The following HTR1F variants were observed in gnomAD, a reference collection of about 807,000 sequenced individuals.
The protein encoded by HTR1F is 5-hydroxytryptamine receptor 1F, also known as 5-hydroxytryptamine (serotonin) receptor 1F, G protein-coupled.
HTR1F carries 17 observed loss-of-function variants against 24.0 expected under a neutral mutation model. That is an observed-to-expected ratio of 0.71 (90% CI 0.48 to 1.06). The LOEUF (loss-of-function observed/expected upper bound fraction) is 1.06, where lower values mean the gene tolerates loss of function less well. Among genes scored for constraint, HTR1F ranks in the 50% least tolerant of loss-of-function variants. The pLI is 0.00. For missense variants in HTR1F, 391 were observed against 427.8 expected, an observed-to-expected ratio of 0.91 and a Z score of 0.76; for synonymous variants, 186 against 156.8, an observed-to-expected ratio of 1.19 and a Z score of -1.39.
intron 2 of HTR1F, among the ~76,000 whole-genome samples, chr3:87,881,816 T>C (rs1296990512): frequency 1.3e-5 from 2 of 152,118 alleles, no homozygotes; most frequent in Non-Finnish European, 2.9e-5. Flanking sequence ...ACTTCATGTC[T>C]AAACACCAAA....
chr3:87,822,958 T>A (rs192274085), intron 2 of HTR1F, among the ~76,000 whole-genome samples: 149 of 152,296 alleles, frequency 9.8e-4, no homozygotes, highest in African/African-American at 3.4e-3. Context: ...CAATAATATT[T>A]ACCTTCCCAA....
intron 2 of HTR1F, among the ~76,000 whole-genome samples, chr3:87,916,552 T>C (rs28841871): frequency 0.44 from 66,094 of 151,752 alleles, 15,392 homozygotes; most frequent in African/African-American, 0.61. Flanking sequence ...TTCATGGACA[T>C]GAAAAGCAAG....
intron 1 of HTR1F, among the ~76,000 whole-genome samples, chr3:87,816,589 A>G (rs912989685): frequency 4.3e-4 from 66 of 152,142 alleles, no homozygotes; most frequent in African/African-American, 1.4e-3. Flanking sequence ...ATCTACCTAG[A>G]GTGTCTGCAG....
intron 2 of HTR1F, among the ~76,000 whole-genome samples, chr3:87,980,149 G>A (rs1398790630): frequency 6.6e-6 from 1 of 152,228 alleles, no homozygotes; most frequent in African/African-American, 2.4e-5. Flanking sequence ...TCAAGGAAGA[G>A]TGAGGTACAT....
intron 2 of HTR1F, among the ~76,000 whole-genome samples, chr3:87,842,402 T>C (rs1176188829): frequency 2.0e-5 from 3 of 151,816 alleles, no homozygotes; most frequent in Admixed American, 2.0e-4. Flanking sequence ...GACCTAGTGA[T>C]CCACCCACCT....
chr3:87,865,743 T>C (rs752425237), intron 2 of HTR1F, among the ~76,000 whole-genome samples: 12 of 152,210 alleles, frequency 7.9e-5, no homozygotes, highest in Non-Finnish European at 1.8e-4. Flanking sequence ...AATTTATTTA[T>C]CTGTTCTACT....
intron 2 of HTR1F, among the ~76,000 whole-genome samples, chr3:87,833,863 C>T (rs1302171691): frequency 6.6e-6 from 1 of 151,982 alleles, no homozygotes; most frequent in Admixed American, 6.6e-5. Context: ...GAGACTTGCA[C>T]GAAGATTCTT....
intron 2 of HTR1F, among the ~76,000 whole-genome samples, chr3:87,971,237 A>C (rs1705279079): frequency 6.6e-6 from 1 of 152,160 alleles, no homozygotes; most frequent in South Asian, 2.1e-4. Context: ...GTATTCAATA[A>C]ATTTGATTGG....
intron 2 of HTR1F, among the ~76,000 whole-genome samples, chr3:87,983,253 G>A (rs992910148): frequency 2.0e-5 from 3 of 152,152 alleles, no homozygotes; most frequent in African/African-American, 7.2e-5. Flanking sequence ...GCCAGATCCA[G>A]CAGGCAGTGA....
At chr3:87,874,927 T>A (rs1044652717) in intron 2 of HTR1F, among the ~76,000 whole-genome samples, 6 of 152,064 alleles carry the variant, frequency 3.9e-5, no homozygotes, top group African/African-American at 1.4e-4. Flanking sequence ...AAACTGAATA[T>A]CCACATGAAA....
intron 2 of HTR1F, among the ~76,000 whole-genome samples, chr3:87,885,557 G>GT (rs954571239): frequency 2.6e-5 from 4 of 151,932 alleles, no homozygotes; most frequent in East Asian, 3.9e-4. Context: ...TCCAGGAGCT[G>GT]TTTTTTTGAA....
intron 2 of HTR1F, among the ~76,000 whole-genome samples, chr3:87,897,228 TAA>T (rs1491319158): frequency 7.6e-6 from 1 of 131,724 alleles, no homozygotes; most frequent in African/African-American, 3.4e-5. Context: ...CATATATATA[TAA>T]ATGTTTTATA....
At chr3:87,854,082 T>C (rs540484712) in intron 2 of HTR1F, among the ~76,000 whole-genome samples, 44 of 152,030 alleles carry the variant, frequency 2.9e-4, no homozygotes, top group Non-Finnish European at 5.0e-4. Context: ...TTTATTTCTA[T>C]AGTAATTGTT....
chr3:87,937,823 C>T (rs1704462337), intron 2 of HTR1F, among the ~76,000 whole-genome samples: 1 of 151,590 alleles, frequency 6.6e-6, no homozygotes, highest in South Asian at 2.1e-4. Context: ...ACTCAGGAGA[C>T]TGAGGCAGGA....
intron 2 of HTR1F, among the ~76,000 whole-genome samples, chr3:87,951,140 A>G (rs1704824240): frequency 1.3e-5 from 2 of 152,092 alleles, no homozygotes; most frequent in African/African-American, 4.8e-5. Flanking sequence ...TCCCACTCCA[A>G]TACTGCTAAG....
At chr3:87,973,779 A>G (rs186398179) in intron 2 of HTR1F, among the ~76,000 whole-genome samples, 40 of 152,312 alleles carry the variant, frequency 2.6e-4, no homozygotes, top group African/African-American at 6.0e-4. Context: ...TTAGTTAACA[A>G]TCATTGCCAG....
At chr3:87,876,005 T>C (rs1705665514) in intron 2 of HTR1F, among the ~76,000 whole-genome samples, 1 of 151,186 alleles carries the variant, frequency 6.6e-6, no homozygotes, top group South Asian at 2.1e-4. Context: ...TATAAAAAGA[T>C]GCTCAACATC....
At position 87,990,978 on chromosome 3, in the gene HTR1F, A is replaced by G. The variant is rs1705810193; in HGVS notation, c.229A>G (p.Met77Val). Residue 77 changes from methionine to valine, a missense_variant, in exon 3 of 3, where the codon ATG (methionine) becomes GTG (valine). Coordinates refer to ENST00000319595, the MANE Select transcript of HTR1F (RefSeq NM_001322209.2). ...AGATTTTCTTGTGGCTGTCCTGGTG[A>G]TGCCCTTCAGCATTGTGTATATTGT... ...VTDFLVAVLVMPFSIVYIVRE... is the reference protein window; with the variant it reads ...VTDFLVAVLVVPFSIVYIVRE... 2.5e-6 allele frequency: 4 copies of G among 1,614,028 alleles called. No homozygotes were observed. The highest frequency in any genetic ancestry group is 1.7e-5 in the Admixed American group (1 of 59,988).
chr3:87,967,336 G>A (rs754769063), intron 2 of HTR1F, among the ~76,000 whole-genome samples: 2 of 152,028 alleles, frequency 1.3e-5, no homozygotes, highest in East Asian at 1.9e-4. Context: ...TGTAATCCCC[G>A]CTACTCAGGA....
Sources: gnomAD v4.1 joint callset for allele counts (sites outside exome capture counted in the v4.1 genomes callset) on GRCh38, gnomAD v4.1.1 for gene constraint, MANE v1.5 for transcripts, NCBI Gene and HGNC (gene_info 2026-07-23, HGNC 2026-07-21) for gene names.